FNBP1L: variants seen among roughly 807,000 people sequenced by gnomAD.
The protein encoded by FNBP1L is formin binding protein 1 like, also known as formin-binding protein 1-like.
FNBP1L carries 36 observed loss-of-function variants against 91.2 expected under a neutral mutation model. That is an observed-to-expected ratio of 0.39 (90% CI 0.30 to 0.52). The LOEUF (loss-of-function observed/expected upper bound fraction) is 0.52, where lower values mean the gene tolerates loss of function less well. Ranked by LOEUF, FNBP1L falls within the 20% of genes least tolerant of loss-of-function variation. The probability of loss-of-function intolerance (pLI) is 0.66; values close to 1 mark genes in which losing one functional copy is unlikely to be tolerated. For synonymous variants in FNBP1L, 242 were observed against 237.0 expected (o/e 1.02, Z -0.19); for missense variants, 571 against 732.1 (o/e 0.78, Z 2.54).
chr1:93,540,224 G>A (rs1282214981), intron 10 of FNBP1L, among the ~76,000 whole-genome samples: 1 of 152,032 alleles, frequency 6.6e-6, no homozygotes, highest in Non-Finnish European at 1.5e-5. Context: ...ATAAAGTATT[G>A]TTGTACAAGA....
At chr1:93,528,299 C>A (rs1557811519) in intron 5 of FNBP1L, among the ~76,000 whole-genome samples, 1 of 151,732 alleles carries the variant, frequency 6.6e-6, no homozygotes, top group African/African-American at 2.4e-5. Context: ...ATTCTACCAC[C>A]CTCCAGGGAG....
chr1:93,502,258 G>T (rs952529153), intron 2 of FNBP1L, among the ~76,000 whole-genome samples: 2 of 152,092 alleles, frequency 1.3e-5, no homozygotes, highest in Non-Finnish European at 2.9e-5. Context: ...ATAAGGGAAG[G>T]AACTTTTTAT....
intron 2 of FNBP1L, among the ~76,000 whole-genome samples, chr1:93,516,794 A>G (rs1337632225): frequency 6.6e-6 from 1 of 152,186 alleles, no homozygotes; most frequent in Non-Finnish European, 1.5e-5. Flanking sequence ...TGTTTAATGC[A>G]GTTCATGAGT....
chr1:93,483,194 A>G lies in FNBP1L; in HGVS notation c.25-16274A>G, dbSNP rs1219117358. Among the ~76,000 whole-genome samples, 5 of 138,406 alleles carry G rather than the reference A, an allele frequency of 3.6e-5. No individual in the cohort carries two copies. The East Asian group carries it at 1.0e-3, about 28-fold the overall frequency. The allele number at this position is 138,406 out of a possible 152,430, so 90.8% of individuals were successfully genotyped here. A position where few individuals can be genotyped will look rare whatever the true frequency, so the allele number is the denominator to read the frequency against. The stretch of plus-strand genomic sequence containing the variant: ...AACAGAGTGAGACCCTGTCTCGAAA[A>G]AAAAAAAAAAAAAAAAAGAAAGGAA... On this transcript the variant is annotated intron_variant, in intron 1 of 16. Transcript: ENST00000271234.
In FNBP1L at chr1:93,553,061, G is replaced by T. The variant is rs1672468325; in HGVS notation, c.*645G>T. 6.6e-6 allele frequency: 1 copy of T among 152,414 alleles called. No homozygotes were observed. 9.4% of individuals were successfully genotyped at this position (152,414 alleles called of 1,614,324 possible). On this transcript the variant is annotated 3_prime_UTR_variant, in exon 17 of 17. Coordinates refer to ENST00000271234, the MANE Select transcript of FNBP1L (RefSeq NM_001164473.3). Reference sequence around the variant, plus strand: ...GCAAACATTCCAGTTTTGGCATTACGAAGAAGTAGCTGTGAACCTGAAGTA... The same window carrying T: ...GCAAACATTCCAGTTTTGGCATTACTAAGAAGTAGCTGTGAACCTGAAGTA...
intron 1 of FNBP1L, among the ~76,000 whole-genome samples, chr1:93,474,044 A>C (rs1215057256): frequency 1.3e-5 from 2 of 152,184 alleles, no homozygotes; most frequent in Non-Finnish European, 2.9e-5. Flanking sequence ...CAGGAGTTCA[A>C]GACCAACCTG....
chr1:93,540,046 G>A (rs1022888819), intron 10 of FNBP1L, among the ~76,000 whole-genome samples: 5 of 151,864 alleles, frequency 3.3e-5, no homozygotes, highest in Non-Finnish European at 5.9e-5. Flanking sequence ...ATAAAGCTCC[G>A]TTGCATTTTC....
intron 2 of FNBP1L, among the ~76,000 whole-genome samples, chr1:93,507,213 A>G (rs927619041): frequency 1.8e-4 from 23 of 128,358 alleles, no homozygotes; most frequent in Non-Finnish European, 2.9e-4. Flanking sequence ...TATGGAATCT[A>G]TTATAATTTC....
At chr1:93,479,217 A>G (rs1669605819) in intron 1 of FNBP1L, among the ~76,000 whole-genome samples, 1 of 152,162 alleles carries the variant, frequency 6.6e-6, no homozygotes, top group Non-Finnish European at 1.5e-5. Flanking sequence ...AGGACTTCAA[A>G]AGGGGAGGGG....
rs1408872138 is a variant in FNBP1L at position 93,546,987 on chromosome 1, T to C, written c.1407+13T>C. ...CCATAAGAATGAGGTAGATTTGTTA[T>C]TCAGCACTTGTCAAGATAAATTATT... On this transcript the variant is annotated intron_variant, in intron 13 of 16. Transcript: ENST00000271234. 5 of 1,606,068 alleles carry C rather than the reference T, an allele frequency of 3.1e-6. No homozygotes were observed. The highest frequency in any genetic ancestry group is 1.3e-5 in the African/African-American group (1 of 74,606).
At chr1:93,512,658 G>C (rs1221772733) in intron 2 of FNBP1L, among the ~76,000 whole-genome samples, 2 of 149,104 alleles carry the variant, frequency 1.3e-5, no homozygotes, top group African/African-American at 4.9e-5. Context: ...TGAACAACCT[G>C]CTCCTGAATG....
intron 1 of FNBP1L, among the ~76,000 whole-genome samples, chr1:93,450,169 GT>G (rs907913765): frequency 6.7e-5 from 10 of 149,248 alleles, no homozygotes; most frequent in South Asian, 4.3e-4. Context: ...GATTTTAAAA[GT>G]TTTTTTTTTA....
intron 1 of FNBP1L, among the ~76,000 whole-genome samples, chr1:93,468,217 T>C (rs923491948): frequency 1.1e-4 from 16 of 152,226 alleles, no homozygotes; most frequent in Admixed American, 6.5e-5. Context: ...TGGTCATTGG[T>C]GACTGGCATG....
rs1672468325 is a variant in FNBP1L, at chr1:93,553,061, G to A, written c.*645G>A. 6.6e-6 allele frequency: 1 copy of A among 152,414 alleles called. No individual in the cohort carries two copies. Among genetic ancestry groups the A allele is most frequent in the Non-Finnish European group, 1.5e-5 (1 of 68,028 alleles). The allele number at this position is 152,414 out of a possible 1,614,324, so 9.4% of individuals were successfully genotyped here. ...GCAAACATTCCAGTTTTGGCATTAC[G>A]AAGAAGTAGCTGTGAACCTGAAGTA... On this transcript the variant is annotated 3_prime_UTR_variant, in exon 17 of 17. Transcript: ENST00000271234.
At chr1:93,495,291 T>C (rs1158177328) in intron 1 of FNBP1L, among the ~76,000 whole-genome samples, 1 of 152,232 alleles carries the variant, frequency 6.6e-6, no homozygotes, top group Non-Finnish European at 1.5e-5. Context: ...TGAATAATGT[T>C]TCAATAAAGT....
rs186962212 is a variant in FNBP1L at position 93,515,695 on chromosome 1, C to G, written c.141-6387C>G. 8.5e-3 allele frequency among the ~76,000 whole-genome samples: 1,220 copies of G among 142,858 alleles called. 4 individuals carry two copies. Among genetic ancestry groups the G allele is most frequent in the Non-Finnish European group, 0.012 (790 of 67,200 alleles). 93.7% of individuals were successfully genotyped at this position (142,858 alleles called of 152,430 possible). A position where few individuals can be genotyped will look rare whatever the true frequency, so the allele number is the denominator to read the frequency against. Reference sequence around the variant, plus strand: ...AAACCAAACACCGCATATTCTCCCTCATAGGTGGGAATTGAACAATGAGAA... The same window carrying G: ...AAACCAAACACCGCATATTCTCCCTGATAGGTGGGAATTGAACAATGAGAA... On this transcript the variant is annotated intron_variant, in intron 2 of 16. Transcript: ENST00000271234.
At chr1:93,499,230 G>C (rs906813299) in intron 1 of FNBP1L, among the ~76,000 whole-genome samples, 3 of 152,188 alleles carry the variant, frequency 2.0e-5, no homozygotes, top group African/African-American at 4.8e-5. Context: ...ATCAGGGGAG[G>C]GTGTTGCAAC....
At chr1:93,544,309 A>G (rs1672145348) in intron 12 of FNBP1L, 93 bp downstream of exon 12, 2 of 689,734 alleles carry the variant, frequency 2.9e-6, no homozygotes, top group Admixed American at 3.5e-5. Flanking sequence ...TTTAAAAATC[A>G]TATATCCTAA....
intron 1 of FNBP1L, among the ~76,000 whole-genome samples, chr1:93,477,790 A>G (rs1257156270): frequency 1.3e-5 from 2 of 152,250 alleles, no homozygotes; most frequent in Non-Finnish European, 2.9e-5. Flanking sequence ...ATGTCCTACT[A>G]TAACCATACC....
Sources: allele counts gnomAD v4.1 joint callset (sites outside exome capture counted in the v4.1 genomes callset), GRCh38; gene constraint gnomAD v4.1.1; transcripts MANE v1.5; gene names NCBI Gene and HGNC (gene_info 2026-07-23, HGNC 2026-07-21).